FHIT: variants seen among roughly 807,000 people sequenced by gnomAD.
The protein encoded by FHIT is fragile histidine triad diadenosine triphosphatase.
FHIT carries 19 observed loss-of-function variants against 17.9 expected under a neutral mutation model. The ratio of observed to expected loss-of-function variants is 1.06; its 90% confidence interval spans 0.74 to 1.56. The LOEUF (loss-of-function observed/expected upper bound fraction) is 1.56, where lower values mean the gene tolerates loss of function less well. FHIT is among the 40% of genes most tolerant of loss of function. The pLI is 0.00. For missense variants in FHIT, 248 were observed against 189.2 expected (o/e 1.31, Z -1.82); for synonymous variants, 81 against 69.7 (o/e 1.16, Z -0.81).
intron 7 of FHIT, among the ~76,000 whole-genome samples, chr3:59,970,818 C>T (rs1708141786): frequency 6.8e-6 from 1 of 146,450 alleles, no homozygotes; most frequent in East Asian, 2.0e-4. Flanking sequence ...ATGCAAAAAC[C>T]TGCACGTCCC....
intron 1 of FHIT, among the ~76,000 whole-genome samples, chr3:61,212,742 C>G (rs543214236): frequency 6.6e-6 from 1 of 152,332 alleles, no homozygotes; most frequent in African/African-American, 2.4e-5. Context: ...ATGTTAAGGG[C>G]AGCCAGACAG....
At chr3:60,159,895 C>T (rs1309194393) in intron 5 of FHIT, among the ~76,000 whole-genome samples, 2 of 152,146 alleles carry the variant, frequency 1.3e-5, no homozygotes, top group Admixed American at 6.5e-5. Context: ...AGAAACACTC[C>T]GCTCAATGCG....
chr3:60,431,449 G>T (rs990105519), intron 5 of FHIT, among the ~76,000 whole-genome samples: 4 of 152,002 alleles, frequency 2.6e-5, no homozygotes, highest in African/African-American at 9.7e-5. Flanking sequence ...AGCTGTCGCT[G>T]GCTGTTTCAC....
intron 3 of FHIT, among the ~76,000 whole-genome samples, chr3:60,871,363 A>C (rs1185675688): frequency 6.6e-6 from 1 of 152,068 alleles, no homozygotes; most frequent in Non-Finnish European, 1.5e-5. Flanking sequence ...TCCCATGATT[A>C]TCTCTCCTAA....
chr3:59,961,360 T>A lies in FHIT; in HGVS notation c.280-38946A>T, dbSNP rs191847183. ...TTATTAGATACTGAGCACTAAAATT[T>A]AACTAACACCTGGTTCCATAAGGAA... On this transcript the variant is annotated intron_variant, in intron 7 of 9. Coordinates refer to ENST00000492590, the MANE Select transcript of FHIT (RefSeq NM_002012.4). 2.0e-5 allele frequency among the ~76,000 whole-genome samples: 3 copies of A among 152,234 alleles called. No homozygotes were observed. The East Asian group carries it at 5.8e-4, about 29-fold the overall frequency.
intron 8 of FHIT, among the ~76,000 whole-genome samples, chr3:59,896,508 GAAATT>G (rs1435579699): frequency 1.1e-4 from 16 of 152,096 alleles, no homozygotes; most frequent in Non-Finnish European, 2.2e-4. Context: ...GAGTAACTCA[GAAATT>G]AAATTAACAG....
intron 1 of FHIT, among the ~76,000 whole-genome samples, chr3:61,245,266 C>G (rs2040462491): frequency 6.6e-6 from 1 of 152,086 alleles, no homozygotes; most frequent in South Asian, 2.1e-4. Flanking sequence ...TAAAAACATC[C>G]CTCTGCAATA....
chr3:60,759,885 G>A (rs1263963673), intron 4 of FHIT, among the ~76,000 whole-genome samples: 2 of 152,092 alleles, frequency 1.3e-5, no homozygotes, highest in Non-Finnish European at 2.9e-5. Context: ...GTGGGAGCTG[G>A]AATGAATTAT....
intron 2 of FHIT, among the ~76,000 whole-genome samples, chr3:61,180,305 G>A (rs1290252172): frequency 1.3e-5 from 2 of 152,286 alleles, no homozygotes; most frequent in East Asian, 1.9e-4. Context: ...GCAATGTGGT[G>A]AACTTTCATA....
intron 4 of FHIT, among the ~76,000 whole-genome samples, chr3:60,653,516 AGTG>A (rs2040045319): frequency 1.5e-5 from 1 of 66,572 alleles, no homozygotes; most frequent in Non-Finnish European, 4.2e-5. Context: ...AAGAAACTGG[AGTG>A]GAGGGAATTA....
chr3:61,040,642 G>A (rs2107688800), intron 3 of FHIT, among the ~76,000 whole-genome samples: 1 of 152,306 alleles, frequency 6.6e-6, no homozygotes, highest in South Asian at 2.1e-4. Flanking sequence ...ACAGAATGAA[G>A]CAGACTACAC....
At chr3:59,865,053 C>A (rs1266838064) in intron 8 of FHIT, among the ~76,000 whole-genome samples, 10 of 152,112 alleles carry the variant, frequency 6.6e-5, no homozygotes, top group Admixed American at 6.6e-4. Context: ...CTCCTCCACT[C>A]TAGGTCAAAT....
At chr3:60,353,820 G>A (rs773556439) in intron 5 of FHIT, among the ~76,000 whole-genome samples, 2 of 152,060 alleles carry the variant, frequency 1.3e-5, no homozygotes, top group Non-Finnish European at 2.9e-5. Context: ...TTTCAAAATT[G>A]CAGTAATTTT....
intron 4 of FHIT, among the ~76,000 whole-genome samples, chr3:60,624,955 C>G (rs1404042456): frequency 6.6e-5 from 10 of 152,002 alleles, no homozygotes; most frequent in African/African-American, 9.7e-5. Flanking sequence ...GTTGCTCAGG[C>G]TGGAGTACAA....
intron 8 of FHIT, among the ~76,000 whole-genome samples, chr3:59,891,564 G>T (rs1193139492): frequency 6.6e-6 from 1 of 152,162 alleles, no homozygotes; most frequent in African/African-American, 2.4e-5. Context: ...TGATAGAGGA[G>T]GCAAACCTTA....
chr3:60,850,007 T>C (rs1553747772), intron 3 of FHIT, among the ~76,000 whole-genome samples: 1 of 152,102 alleles, frequency 6.6e-6, no homozygotes, highest in African/African-American at 2.4e-5. Flanking sequence ...TTTGAGGCAA[T>C]AGCATCCATG....
chr3:60,119,723 G>T (rs1037512854), intron 5 of FHIT, among the ~76,000 whole-genome samples: 14 of 152,068 alleles, frequency 9.2e-5, no homozygotes, highest in African/African-American at 3.4e-4. Context: ...TTGAGTACTG[G>T]TGACTCAATT....
chr3:59,883,688 C>T (rs375580601), intron 8 of FHIT, among the ~76,000 whole-genome samples: 8 of 152,322 alleles, frequency 5.3e-5, no homozygotes, highest in African/African-American at 1.7e-4. Context: ...AGTGTGCTAC[C>T]GCACGTCTCT....
Position 60,740,181 on chromosome 3 carries a change from G to T in FHIT, c.-18+81738C>A, listed in dbSNP as rs79600441. Among the ~76,000 whole-genome samples the T allele has an allele frequency of 4.6e-3, 700 of 152,294 alleles. 3 individuals are homozygous for T. Among genetic ancestry groups the T allele is most frequent in the Non-Finnish European group, 8.3e-3 (564 of 68,024 alleles). On this transcript the variant is annotated intron_variant, in intron 4 of 9. Transcript: ENST00000492590. ...TAGATGTTTGCTGCAGTTGTTTATT[G>T]CTGGGTGCAGGGAGTCTCAGACTCA...
Sources: allele counts gnomAD v4.1 joint callset (sites outside exome capture counted in the v4.1 genomes callset), GRCh38; gene constraint gnomAD v4.1.1; transcripts MANE v1.5; gene names NCBI Gene and HGNC (gene_info 2026-07-23, HGNC 2026-07-21).